TRHDE: variants seen among roughly 807,000 people sequenced by gnomAD.
TRHDE encodes the protein thyrotropin releasing hormone degrading enzyme.
A neutral mutation model predicts 125.7 loss-of-function variants in TRHDE; 72 were observed. The observed-to-expected ratio is 0.57, with a 90% CI of 0.47 to 0.70. The LOEUF (loss-of-function observed/expected upper bound fraction) is 0.70. Ranked by LOEUF, TRHDE falls within the 30% of genes least tolerant of loss-of-function variation. The probability of loss-of-function intolerance (pLI) is 0.00; values close to 1 mark genes in which losing one functional copy is unlikely to be tolerated. For synonymous variants in TRHDE, 509 were observed against 509.1 expected, an observed-to-expected ratio of 1.00 and a Z score of 0.00; for missense variants, 1,110 against 1,327.1, an observed-to-expected ratio of 0.84 and a Z score of 2.54.
chr12:72,391,515 G>A (rs1286873537), intron 3 of TRHDE, among the ~76,000 whole-genome samples: 1 of 152,020 alleles, frequency 6.6e-6, no homozygotes, highest in Non-Finnish European at 1.5e-5. Flanking sequence ...TTCCTTATGG[G>A]TTCTGTCTTC....
intron 16 of TRHDE, 134 bp from the exon 17 acceptor site, chr12:72,652,880 TAA>T (rs1469349252): frequency 3.8e-6 from 2 of 526,160 alleles, no homozygotes; most frequent in East Asian, 6.6e-5. Context: ...GTTCTATTTA[TAA>T]GTTTGCATTA....
At chr12:72,321,983 A>G (rs762035257) in intron 2 of TRHDE, among the ~76,000 whole-genome samples, 1 of 152,142 alleles carries the variant, frequency 6.6e-6, no homozygotes, top group Non-Finnish European at 1.5e-5. Context: ...GAGATCATAA[A>G]GTATCAAAGA....
chr12:72,581,746 T>C (rs1387624173), intron 12 of TRHDE, among the ~76,000 whole-genome samples: 1 of 152,064 alleles, frequency 6.6e-6, no homozygotes, highest in African/African-American at 2.4e-5. Context: ...TTTTTGTAAA[T>C]TATTAGTGTT....
intron 2 of TRHDE, among the ~76,000 whole-genome samples, chr12:72,155,119 C>A (rs1356257727): frequency 6.6e-6 from 1 of 152,164 alleles, no homozygotes; most frequent in Non-Finnish European, 1.5e-5. Context: ...CTCTAAACTT[C>A]TCTTCTCACT....
chr12:72,184,806 T>G (rs1470999112), intron 2 of TRHDE, among the ~76,000 whole-genome samples: 2 of 152,218 alleles, frequency 1.3e-5, no homozygotes, highest in East Asian at 3.9e-4. Context: ...TTTCCAAATC[T>G]GGTTCAGTCT....
intron 12 of TRHDE, among the ~76,000 whole-genome samples, chr12:72,606,963 A>G (rs1872470101): frequency 6.6e-6 from 1 of 152,284 alleles, no homozygotes; most frequent in South Asian, 2.1e-4. Flanking sequence ...AATATCAACT[A>G]TCCAGGAAGC....
intron 2 of TRHDE, among the ~76,000 whole-genome samples, chr12:72,129,504 A>G (rs1002370192): frequency 2.6e-5 from 4 of 152,242 alleles, no homozygotes; most frequent in Non-Finnish European, 5.9e-5. Flanking sequence ...GGTTCCCCTA[A>G]GGATGTATAC....
chr12:72,192,608 T>C (rs989267969), intron 2 of TRHDE, among the ~76,000 whole-genome samples: 1 of 152,138 alleles, frequency 6.6e-6, no homozygotes, highest in Non-Finnish European at 1.5e-5. Flanking sequence ...TAGTGTGAAC[T>C]TTGGAGTTAG....
chr12:72,273,580 G>A lies in TRHDE; in HGVS notation c.914+23G>A. The A allele has an allele frequency of 6.4e-7, 1 of 1,559,698 alleles. No homozygotes were observed. Among genetic ancestry groups the A allele is most frequent in the Non-Finnish European group, 8.7e-7 (1 of 1,153,628 alleles). On this transcript the variant is annotated intron_variant, in intron 1 of 18. Coordinates refer to ENST00000261180, the MANE Select transcript of TRHDE (RefSeq NM_013381.3). The surrounding 1 kb of genome is among the most constrained non-coding windows in gnomAD (Gnocchi z 5.3). ...AAGGTATGGAGGGAGGCGGTGCCCC[G>A]CGCTGCCCCACCCCGGCGCGCGGCT...
At chr12:72,120,585 C>A (rs1875554647) in intron 2 of TRHDE, among the ~76,000 whole-genome samples, 1 of 150,902 alleles carries the variant, frequency 6.6e-6, no homozygotes, top group Admixed American at 6.6e-5. Context: ...CTAATGATAA[C>A]AACGCTGGTT....
chr12:72,383,630 GC>G (rs1872284069), intron 3 of TRHDE, among the ~76,000 whole-genome samples: 1 of 151,534 alleles, frequency 6.6e-6, no homozygotes, highest in Admixed American at 6.6e-5. Flanking sequence ...ACCTGCCTTG[GC>G]CTCCCAAAGT....
intron 5 of TRHDE, 125 bp from the exon 6 acceptor site, chr12:72,499,373 T>TTGAG: frequency 8.0e-7 from 1 of 1,256,738 alleles, no homozygotes; most frequent in South Asian, 1.6e-5. Flanking sequence ...CACTTTAGAG[T>TTGAG]TGAGTCATGC....
chr12:72,286,816 A>G lies in TRHDE; in HGVS notation c.1050A>G (p.Pro350=). Residue 350 remains proline (P), a synonymous_variant, in exon 2 of 19, where the codon CCA becomes CCG. Transcript: ENST00000261180. ...CCTATTTATCTTTATCTAATATGCCAGTGGAAACTTCCGTGTTTGAGGAAG... is the reference window on the plus strand; with the variant it reads ...CCTATTTATCTTTATCTAATATGCCGGTGGAAACTTCCGTGTTTGAGGAAG... ...QATYLSLSNM[P]VETSVFEEDG... is the part of the protein sequence containing the mutation. 6.2e-7 allele frequency: 1 copy of G among 1,613,936 alleles called. No homozygotes were observed. Among genetic ancestry groups the G allele is most frequent in the Non-Finnish European group, 8.5e-7 (1 of 1,179,968 alleles).
chr12:72,224,170 C>G (rs61924320), intron 2 of TRHDE, among the ~76,000 whole-genome samples: 735 of 51,336 alleles, frequency 0.014, 6 homozygotes, highest in Middle Eastern at 0.039. Flanking sequence ...ATGTATGTAT[C>G]TATCTATCTA....
chr12:72,470,020 TTA>T, intron 4 of TRHDE, 108 bp downstream of exon 4: 2 of 1,103,106 alleles, frequency 1.8e-6, no homozygotes, highest in Non-Finnish European at 2.6e-6. Flanking sequence ...AGTTTTAATT[TTA>T]TATGGAGCAC....
chr12:72,368,832 C>T (rs1871449867), intron 2 of TRHDE, among the ~76,000 whole-genome samples: 2 of 152,102 alleles, frequency 1.3e-5, no homozygotes, highest in South Asian at 4.1e-4. Context: ...TTGACACTTT[C>T]CTAAAGAATA....
chr12:72,500,026 A>C (rs1388647707), intron 6 of TRHDE, among the ~76,000 whole-genome samples: 1 of 152,214 alleles, frequency 6.6e-6, no homozygotes, highest in Non-Finnish European at 1.5e-5. Flanking sequence ...GGGCTGATGC[A>C]AATGGATATA....
intron 2 of TRHDE, chr12:72,255,335 A>G (rs910320337): frequency 4.6e-5 from 7 of 152,196 alleles, no homozygotes; most frequent in African/African-American, 1.7e-4. Context: ...AGTGTTACCA[A>G]TTCCCTGAGT....
intron 2 of TRHDE, among the ~76,000 whole-genome samples, chr12:72,318,386 C>T (rs1459735970): frequency 6.6e-6 from 1 of 152,138 alleles, no homozygotes; most frequent in Non-Finnish European, 1.5e-5. Flanking sequence ...AAGCAACAGT[C>T]ACTCATATTA....
Sources: allele counts gnomAD v4.1 joint callset (sites outside exome capture counted in the v4.1 genomes callset), GRCh38; gene constraint gnomAD v4.1.1; non-coding constraint Gnocchi (gnomAD v3.1); transcripts MANE v1.5; gene names NCBI Gene and HGNC (gene_info 2026-07-23, HGNC 2026-07-21).